The following PCNX1 variants were observed in gnomAD, a reference collection of about 807,000 sequenced individuals.
The protein encoded by PCNX1 is pecanex 1.
In PCNX1, 78 loss-of-function variants were observed where a neutral mutation model predicts 242.2. The ratio of observed to expected loss-of-function variants is 0.32; its 90% CI spans 0.27 to 0.39. The LOEUF (loss-of-function observed/expected upper bound fraction) is 0.39, where lower values mean the gene tolerates loss of function less well. Ranked by LOEUF, PCNX1 falls within the 10% of genes least tolerant of loss-of-function variation. The pLI, the probability that PCNX1 is intolerant of heterozygous loss-of-function variation, is 1.00. For missense variants in PCNX1, 2,581 were observed against 2,856.5 expected, an observed-to-expected ratio of 0.90 and a Z score of 2.20; for synonymous variants, 1,024 against 1,032.9, an observed-to-expected ratio of 0.99 and a Z score of 0.17.
At chr14:70,985,480 C>G (rs11621799) in intron 6 of PCNX1, among the ~76,000 whole-genome samples, 21,075 of 152,246 alleles carry the variant, frequency 0.14, 1,749 homozygotes, top group South Asian at 0.25. Flanking sequence ...TCCCAAAGTG[C>G]TGGGATTACA....
chr14:71,079,612 G>T (rs932390533), intron 28 of PCNX1, among the ~76,000 whole-genome samples: 1 of 152,054 alleles, frequency 6.6e-6, no homozygotes, highest in Non-Finnish European at 1.5e-5. Context: ...GTTTTGATTT[G>T]CATTTCTCTA....
chr14:70,915,049 T>G (rs539186859), intron 1 of PCNX1, among the ~76,000 whole-genome samples: 6 of 152,212 alleles, frequency 3.9e-5, no homozygotes, highest in Non-Finnish European at 5.9e-5. Context: ...GTAAGCCACC[T>G]TCACTCAGCA....
intron 33 of PCNX1, 90 bp downstream of exon 33, chr14:71,105,530 C>A (rs930859329): frequency 2.1e-6 from 2 of 974,934 alleles, no homozygotes; most frequent in African/African-American, 1.7e-5. Context: ...TACATGTGGT[C>A]CACTTGGAAA....
chr14:71,046,836 G>A (rs2060874598), intron 20 of PCNX1, 128 bp from the exon 21 acceptor site: 2 of 626,484 alleles, frequency 3.2e-6, no homozygotes, highest in Admixed American at 3.2e-5. Context: ...GTTGATTAAA[G>A]TACTGGCTTT....
At chr14:71,028,838 A>G (rs377009540) in intron 16 of PCNX1, 47 bp downstream of exon 16, 12 of 1,136,418 alleles carry the variant, frequency 1.1e-5, no homozygotes, top group East Asian at 5.0e-5. Context: ...CTATATTTCT[A>G]TATGAAGGTT....
At chr14:71,042,621 T>A (rs950826562) in intron 19 of PCNX1, among the ~76,000 whole-genome samples, 273 of 151,994 alleles carry the variant, frequency 1.8e-3, no homozygotes, top group Middle Eastern at 0.01. Context: ...AAAAAAAAAA[T>A]TTAAGCAGAG....
rs143260213 is a variant in PCNX1 at position 70,980,496 on chromosome 14, C to T, written c.2311+1848C>T. On this transcript the variant is annotated intron_variant, in intron 6 of 35. Transcript: ENST00000304743. ...ATTTTTTTGCCTGGGGCAGGCATTG[C>T]ACAGGCTTTTTTAATTTGAGCTTCA... is the stretch of plus-strand genomic sequence containing the variant. 3.9e-4 allele frequency among the ~76,000 whole-genome samples: 60 copies of T among 152,144 alleles called. No individual in the cohort carries two copies. The East Asian group carries it at 0.011, about 28-fold the overall frequency.
chr14:71,031,836 G>A (rs574407444), intron 16 of PCNX1: 383 of 1,491,098 alleles, frequency 2.6e-4, no homozygotes, highest in Non-Finnish European at 3.4e-4. Context: ...TGGTGGCATC[G>A]TCTGGCTTCA....
At chr14:71,105,032 G>T (rs1462359339) in intron 32 of PCNX1, among the ~76,000 whole-genome samples, 4 of 152,194 alleles carry the variant, frequency 2.6e-5, no homozygotes, top group Admixed American at 2.6e-4. Context: ...AAGATTTGAG[G>T]CAGTGAATAT....
chr14:71,009,528 TATG>T (rs1386353936), intron 8 of PCNX1, 103 bp from the exon 9 acceptor site: 1 of 574,072 alleles, frequency 1.7e-6, no homozygotes, highest in Non-Finnish European at 2.9e-6. Flanking sequence ...TTTTAAAGGT[TATG>T]GTGTATTTTC....
chr14:70,911,511 C>T (rs191517834), intron 1 of PCNX1, among the ~76,000 whole-genome samples: 1 of 152,194 alleles, frequency 6.6e-6, no homozygotes, highest in East Asian at 1.9e-4. Context: ...CTTTAAGGTA[C>T]TCATTCTTTT....
Position 71,053,813 on chromosome 14 carries a change from T to C in PCNX1, c.4578-1691T>C, listed in dbSNP as rs933925182. On this transcript the variant is annotated intron_variant, in intron 24 of 35. Transcript: ENST00000304743. ...AAGTTAAGAATAACTATATTTCCAC[T>C]CCCCCAAAAAATTAGTGAGAAGAGT... Among the ~76,000 whole-genome samples, 4 of 152,312 alleles carry C rather than the reference T, an allele frequency of 2.6e-5. No homozygotes were observed. In the East Asian group the frequency reaches 7.7e-4, roughly 29 times the overall value.
chr14:71,046,081 C>A (rs1339232678), intron 20 of PCNX1, among the ~76,000 whole-genome samples: 1 of 151,942 alleles, frequency 6.6e-6, no homozygotes, highest in African/African-American at 2.4e-5. Flanking sequence ...TAGAGTAAAT[C>A]ATTCAGTTGC....
At chr14:71,011,367 A>G (rs2059816245) in intron 9 of PCNX1, 125 bp from the exon 10 acceptor site, 1 of 676,820 alleles carries the variant, frequency 1.5e-6, no homozygotes, top group African/African-American at 1.8e-5. Flanking sequence ...AACTCTAGGA[A>G]AATGCTATTT....
chr14:71,093,274 G>C (rs1293389399), intron 30 of PCNX1: 1 of 151,426 alleles, frequency 6.6e-6, no homozygotes, highest in Non-Finnish European at 1.5e-5. Context: ...GACTTCACAG[G>C]ATTTATGACA....
intron 30 of PCNX1, among the ~76,000 whole-genome samples, chr14:71,095,057 A>G (rs530219897): frequency 3.4e-4 from 52 of 152,338 alleles, no homozygotes; most frequent in Non-Finnish European, 4.7e-4. Context: ...TTTAATCCCA[A>G]TTTTGTAGAA....
chr14:71,054,062 G>A (rs2061115272), intron 24 of PCNX1, among the ~76,000 whole-genome samples: 1 of 152,324 alleles, frequency 6.6e-6, no homozygotes, highest in Admixed American at 6.5e-5. Flanking sequence ...GGGATTACAG[G>A]CATGAGCCAC....
chr14:71,082,536 T>C (rs1402422241), intron 28 of PCNX1, among the ~76,000 whole-genome samples: 1 of 152,156 alleles, frequency 6.6e-6, no homozygotes, highest in Non-Finnish European at 1.5e-5. Context: ...ATCTGGGTGC[T>C]CCTGTATTGG....
At chr14:70,980,194 T>C (rs573020313) in intron 6 of PCNX1, among the ~76,000 whole-genome samples, 3 of 152,186 alleles carry the variant, frequency 2.0e-5, no homozygotes, top group Non-Finnish European at 4.4e-5. Flanking sequence ...ATGTAGTAAA[T>C]TCATGCGTTT....
Sources: gnomAD v4.1 joint callset for allele counts (sites outside exome capture counted in the v4.1 genomes callset) on GRCh38, gnomAD v4.1.1 for gene constraint, MANE v1.5 for transcripts, NCBI Gene and HGNC (gene_info 2026-07-23, HGNC 2026-07-21) for gene names.